The following MSL2 variants were observed in gnomAD, a reference collection of about 807,000 sequenced individuals.
The protein encoded by MSL2 is MSL complex subunit 2, also known as E3 ubiquitin-protein ligase MSL2.
MSL2 carries 2 observed loss-of-function variants against 35.8 expected under a neutral mutation model. The ratio of observed to expected loss-of-function variants is 0.06; its 90% CI spans 0.02 to 0.18. The LOEUF (loss-of-function observed/expected upper bound fraction) is 0.18, where lower values mean the gene tolerates loss of function less well. MSL2 is among the 10% of genes least tolerant of loss of function. The pLI is 1.00. For synonymous variants in MSL2, 296 were observed against 255.7 expected (o/e 1.16, Z -1.50); for missense variants, 523 against 706.7 (o/e 0.74, Z 2.95).
chr3:136,152,456 T>C lies in MSL2; in HGVS notation c.425A>G (p.Glu142Gly), dbSNP rs1939401504. 1 of 1,614,046 alleles carries C rather than the reference T, an allele frequency of 6.2e-7. No homozygotes were observed. The highest frequency in any genetic ancestry group is 8.5e-7 in the Non-Finnish European group (1 of 1,180,032). The change falls in exon 2 of 2, where the codon GAG (glutamate) becomes GGG (glycine). Residue 142 changes from glutamate to glycine, a missense_variant. Around this residue, in one of 5 missense-constraint regions of MSL2, gnomAD observed 361 missense variants for 414.6 expected, o/e 0.87. Coordinates refer to ENST00000309993, the MANE Select transcript of MSL2 (RefSeq NM_018133.4). ...GGATGAATCTGAGGGTTTTTCTGTCTCCTCACAAAACAATGATCCATCATT... is the reference window on the plus strand; with the variant it reads ...GGATGAATCTGAGGGTTTTTCTGTCCCCTCACAAAACAATGATCCATCATT... ...LLNDGSLFCE[E>G]TEKPSDSSFT...
intron 1 of MSL2, among the ~76,000 whole-genome samples, chr3:136,183,568 C>T (rs1348372766): frequency 6.6e-6 from 1 of 152,092 alleles, no homozygotes; most frequent in Admixed American, 6.6e-5. Context: ...ACTACAGGCA[C>T]GCACCAACCA....
At chr3:136,194,843 A>T in intron 1 of MSL2, 129 bp downstream of exon 1, 1 of 1,406,230 alleles carries the variant, frequency 7.1e-7, no homozygotes, top group Non-Finnish European at 9.7e-7. Flanking sequence ...AAAACTAATG[A>T]CCGTACAGCG....
At position 136,155,933 on chromosome 3, in the gene MSL2, G is replaced by C. The variant is rs949848734; in HGVS notation, c.143-3195C>G. 3.4e-5 allele frequency: 18 copies of C among 533,528 alleles called. No homozygotes were observed. The East Asian group carries it at 8.3e-4, about 25-fold the overall frequency. 33.0% of individuals were successfully genotyped at this position (533,528 alleles called of 1,614,324 possible). A position where few individuals can be genotyped will look rare whatever the true frequency, so the allele number is the denominator to read the frequency against. On this transcript the variant is annotated intron_variant, in intron 1 of 1. Coordinates refer to ENST00000309993, the MANE Select transcript of MSL2 (RefSeq NM_018133.4). Reference sequence around the variant, plus strand: ...GCACCTCATGGTTTCCAATACTCCAGAACTACTACTGTCTGCATGTACCAC... The same window carrying C: ...GCACCTCATGGTTTCCAATACTCCACAACTACTACTGTCTGCATGTACCAC...
chr3:136,195,257 G>C lies in MSL2; in HGVS notation c.-144C>G, dbSNP rs562803687. ...TTGGCCAAACAAGTAACCAAAATCC[G>C]TGCAAGTTTGTGGAGCTGAAACAAT... On this transcript the variant is annotated 5_prime_UTR_variant, in exon 1 of 2. Coordinates refer to ENST00000309993, the MANE Select transcript of MSL2 (RefSeq NM_018133.4). 2 of 1,475,606 alleles carry C rather than the reference G, an allele frequency of 1.4e-6. No individual in the cohort carries two copies. The highest frequency in any genetic ancestry group is 1.8e-6 in the Non-Finnish European group (2 of 1,119,022). 91.4% of individuals were successfully genotyped at this position (1,475,606 alleles called of 1,614,324 possible). A position where few individuals can be genotyped will look rare whatever the true frequency, so the allele number is the denominator to read the frequency against.
chr3:136,154,164 C>T (rs1939452903), intron 1 of MSL2, among the ~76,000 whole-genome samples: 2 of 150,296 alleles, frequency 1.3e-5, no homozygotes, highest in African/African-American at 4.9e-5. Flanking sequence ...AGGAGTACTA[C>T]TCAACTCAAA....
At chr3:136,160,491 G>A (rs558679506) in intron 1 of MSL2, among the ~76,000 whole-genome samples, 16 of 150,064 alleles carry the variant, frequency 1.1e-4, no homozygotes, top group East Asian at 6.0e-4. Flanking sequence ...AGGCCGAGGC[G>A]GGCAGTTCAG....
At chr3:136,178,542 T>A (rs1253267603) in intron 1 of MSL2, among the ~76,000 whole-genome samples, 3 of 151,638 alleles carry the variant, frequency 2.0e-5, no homozygotes, top group Non-Finnish European at 4.4e-5. Context: ...CTTTTTTTTT[T>A]TTTTTTTTGA....
chr3:136,186,785 A>C (rs1355777139), intron 1 of MSL2, among the ~76,000 whole-genome samples: 1 of 152,240 alleles, frequency 6.6e-6, no homozygotes, highest in Admixed American at 6.5e-5. Context: ...AATAGAAATA[A>C]AGTGCACAAT....
intron 1 of MSL2, among the ~76,000 whole-genome samples, chr3:136,179,888 A>G (rs1223205897): frequency 2.4e-4 from 37 of 152,090 alleles, no homozygotes; most frequent in Non-Finnish European, 5.9e-5. Flanking sequence ...CAACACGGTG[A>G]AACTCCACCT....
intron 1 of MSL2, among the ~76,000 whole-genome samples, chr3:136,160,157 TC>T: frequency 6.6e-6 from 1 of 150,730 alleles, no homozygotes; most frequent in South Asian, 2.1e-4. Flanking sequence ...ACGCCTGTAG[TC>T]CCAGCTACTC....
chr3:136,175,674 G>A (rs752795923), intron 1 of MSL2, among the ~76,000 whole-genome samples: 1 of 152,042 alleles, frequency 6.6e-6, no homozygotes, highest in Non-Finnish European at 1.5e-5. Context: ...CGTGACAGAG[G>A]CCCCATCTCA....
rs1939357601 is a variant in MSL2 at position 136,151,281 on chromosome 3, T to C, written c.1600A>G (p.Ile534Val). The C allele has an allele frequency of 6.2e-7, 1 of 1,614,250 alleles. No individual in the cohort carries two copies. The highest frequency in any genetic ancestry group is 8.5e-7 in the Non-Finnish European group (1 of 1,180,046). The change falls in exon 2 of 2, where the codon ATT (isoleucine) becomes GTT (valine). Residue 534 changes from isoleucine to valine, a missense_variant. By Grantham distance (29) the Ile-to-Val change is conservative. Around this residue, in one of 5 missense-constraint regions of MSL2, gnomAD observed 60 missense variants for 75.1 expected, o/e 0.80. Transcript: ENST00000309993. The surrounding 1 kb of genome is among the most constrained non-coding windows in gnomAD (Gnocchi z 5.2). Reference protein sequence around the residue: ...RLTLGINVTSIAVRNASTSTS... With the variant: ...RLTLGINVTSVAVRNASTSTS... ...CTGGTACTAGCGTTACGCACAGCAA[T>C]GCTAGTCACGTTAATGCCCAAAGTG... is the stretch of plus-strand genomic sequence containing the variant.
intron 1 of MSL2, among the ~76,000 whole-genome samples, chr3:136,181,916 C>T (rs1425901426): frequency 8.2e-6 from 1 of 122,260 alleles, no homozygotes; most frequent in Non-Finnish European, 1.7e-5. Flanking sequence ...GAGACTCTGT[C>T]TCAAAAAATA....
intron 1 of MSL2, among the ~76,000 whole-genome samples, chr3:136,167,412 A>G (rs1939882519): frequency 2.0e-5 from 3 of 152,188 alleles, no homozygotes; most frequent in South Asian, 4.1e-4. Context: ...AATGCATCAT[A>G]TAATTCTAAT....
chr3:136,151,513 G>C lies in MSL2; in HGVS notation c.1368C>G (p.Pro456=). ...CACATTTACACCCTTTCTTTTCCTG[G>C]GGTTTTTTGTACACAGTCTTGGTAG... is the stretch of plus-strand genomic sequence containing the variant. ...GSPTKTVYKK[P]QEKKGCKCGR... The change falls in exon 2 of 2, where the codon CCC becomes CCG. Residue 456 remains proline (P), a synonymous_variant. Transcript: ENST00000309993. This position sits in a 1 kb window ranked among gnomAD's most constrained non-coding sequence, Gnocchi z 5.2. 1 of 1,614,092 alleles carries C rather than the reference G, an allele frequency of 6.2e-7. No individual in the cohort carries two copies. The highest frequency in any genetic ancestry group is 8.5e-7 in the Non-Finnish European group (1 of 1,180,026).
chr3:136,161,840 C>T (rs893081022), intron 1 of MSL2, among the ~76,000 whole-genome samples: 1 of 152,252 alleles, frequency 6.6e-6, no homozygotes, highest in African/African-American at 2.4e-5. Context: ...CAGAATCCAA[C>T]CTTCTACCTA....
chr3:136,162,411 A>G (rs1939734975), intron 1 of MSL2, among the ~76,000 whole-genome samples: 1 of 151,898 alleles, frequency 6.6e-6, no homozygotes, highest in Non-Finnish European at 1.5e-5. Flanking sequence ...GCAAAACCCC[A>G]TCTCTACAAA....
At chr3:136,170,373 T>C (rs111955015) in intron 1 of MSL2, among the ~76,000 whole-genome samples, 188 of 133,908 alleles carry the variant, frequency 1.4e-3, no homozygotes, top group African/African-American at 5.1e-3. Context: ...AAACCATTGT[T>C]AACTATAGTC....
At chr3:136,152,904 A>G in intron 1 of MSL2, 166 bp from the exon 2 acceptor site, 1 of 985,428 alleles carries the variant, frequency 1.0e-6, no homozygotes, top group Non-Finnish European at 1.2e-6. Context: ...ATCTTCAATT[A>G]GCTCGCTTGA....
Sources: gnomAD v4.1 joint callset for allele counts (sites outside exome capture counted in the v4.1 genomes callset) on GRCh38, gnomAD v4.1.1 for gene constraint, gnomAD v4.1.1 regional missense constraint, Gnocchi (gnomAD v3.1) non-coding constraint, MANE v1.5 for transcripts, NCBI Gene and HGNC (gene_info 2026-07-23, HGNC 2026-07-21) for gene names.